The following CACNA2D1 variants were observed in gnomAD, a reference collection of about 807,000 sequenced individuals.
The protein encoded by CACNA2D1 is voltage-dependent calcium channel subunit alpha-2/delta-1.
A neutral mutation model predicts 171.5 loss-of-function variants in CACNA2D1; 53 were observed. The observed-to-expected ratio is 0.31, with a 90% confidence interval of 0.25 to 0.39. CACNA2D1 has a LOEUF of 0.39. Ranked by LOEUF, CACNA2D1 falls within the 10% of genes least tolerant of loss-of-function variation. The pLI, the probability that CACNA2D1 is intolerant of heterozygous loss-of-function variation, is 1.00. For missense variants in CACNA2D1, 903 were observed against 1,299.8 expected (o/e 0.69, Z 4.69); for synonymous variants, 442 against 443.1 (o/e 1.00, Z 0.03).
chr7:82,134,589 T>G (rs192801009), intron 5 of CACNA2D1, among the ~76,000 whole-genome samples: 1 of 152,180 alleles, frequency 6.6e-6, no homozygotes, highest in African/African-American at 2.4e-5. Context: ...TTACTATTTA[T>G]AAGGCTTTAA....
At chr7:82,433,016 T>G (rs12707491) in intron 1 of CACNA2D1, among the ~76,000 whole-genome samples, 45,201 of 151,834 alleles carry the variant, frequency 0.3, 8,060 homozygotes, top group South Asian at 0.55. Flanking sequence ...TGAAGCCCCA[T>G]CTCTACTAAA....
At chr7:82,188,986 A>G (rs1046102522) in intron 3 of CACNA2D1, among the ~76,000 whole-genome samples, 1 of 151,980 alleles carries the variant, frequency 6.6e-6, no homozygotes, top group African/African-American at 2.4e-5. Context: ...ATGGACATGA[A>G]GAAGAAAACA....
chr7:81,985,345 GCACATGCCAC>G (rs980360519), intron 21 of CACNA2D1, among the ~76,000 whole-genome samples: 22 of 151,948 alleles, frequency 1.4e-4, no homozygotes, highest in Admixed American at 1.2e-3. Flanking sequence ...GGGACCATAG[GCACATGCCAC>G]CACGCCCAGC....
intron 3 of CACNA2D1, among the ~76,000 whole-genome samples, chr7:82,289,345 A>G (rs1410655588): frequency 1.3e-5 from 2 of 152,098 alleles, no homozygotes; most frequent in Non-Finnish European, 2.9e-5. Flanking sequence ...ACAAACACAC[A>G]CCATTGTATC....
At chr7:82,329,817 T>C (rs1817085569) in intron 3 of CACNA2D1, among the ~76,000 whole-genome samples, 1 of 152,028 alleles carries the variant, frequency 6.6e-6, no homozygotes, top group South Asian at 2.1e-4. Context: ...AATAAAATAG[T>C]TCAAATTATG....
chr7:81,983,194 C>A, intron 23 of CACNA2D1, 120 bp downstream of exon 23: 2 of 838,776 alleles, frequency 2.4e-6, no homozygotes, highest in South Asian at 1.6e-5. Flanking sequence ...TTTGAGTGAT[C>A]ATGAAGGAAA....
rs528130181 is a variant in CACNA2D1 at position 82,261,245 on chromosome 7, G to T, written c.294+73890C>A. Among the ~76,000 whole-genome samples, 117 of 152,320 alleles carry T rather than the reference G, an allele frequency of 7.7e-4. 2 individuals are homozygous for T. In the South Asian group the frequency reaches 0.024, roughly 31 times the overall value. ...GCTGGGATTATAGGCATGGGCCGCCGCACCCGGCCTGGACCACTTTTTATA... is the reference window on the plus strand; with the variant it reads ...GCTGGGATTATAGGCATGGGCCGCCTCACCCGGCCTGGACCACTTTTTATA... On this transcript the variant is annotated intron_variant, in intron 3 of 38. Transcript: ENST00000356860.
Position 81,947,688 on chromosome 7 carries a change from T to A in CACNA2D1, c.*2704A>T, listed in dbSNP as rs1291985956. ...TTTATTGATCTGTTGTACTGTTCAG[T>A]CGTTGGAAATCAATATTAATAACAG... is the stretch of plus-strand genomic sequence containing the variant. On this transcript the variant is annotated 3_prime_UTR_variant, in exon 39 of 39. Coordinates refer to ENST00000356860, the MANE Select transcript of CACNA2D1 (RefSeq NM_000722.4). 1 of 151,910 alleles carries A rather than the reference T, an allele frequency of 6.6e-6. No individual in the cohort carries two copies. Among genetic ancestry groups the A allele is most frequent in the Non-Finnish European group, 1.5e-5 (1 of 67,858 alleles). 9.4% of individuals were successfully genotyped at this position (151,910 alleles called of 1,614,324 possible). A position where few individuals can be genotyped will look rare whatever the true frequency, so the allele number is the denominator to read the frequency against.
chr7:82,135,014 T>C (rs1369910888), intron 5 of CACNA2D1, among the ~76,000 whole-genome samples: 1 of 152,098 alleles, frequency 6.6e-6, no homozygotes, highest in Non-Finnish European at 1.5e-5. Context: ...AAAATAAAAA[T>C]TACTTTCTAA....
intron 1 of CACNA2D1, among the ~76,000 whole-genome samples, chr7:82,388,114 A>T (rs1824638790): frequency 6.6e-6 from 1 of 151,846 alleles, no homozygotes; most frequent in Non-Finnish European, 1.5e-5. Context: ...AACAAACTAC[A>T]TCTGACCTAA....
At chr7:82,085,535 AG>A (rs1810356648) in intron 6 of CACNA2D1, among the ~76,000 whole-genome samples, 7 of 142,532 alleles carry the variant, frequency 4.9e-5, no homozygotes, top group Admixed American at 7.2e-5. Flanking sequence ...AAAAAAAAAA[AG>A]AAAAAAAGTC....
At chr7:82,135,437 G>A (rs1399084657) in intron 5 of CACNA2D1, among the ~76,000 whole-genome samples, 1 of 151,868 alleles carries the variant, frequency 6.6e-6, no homozygotes, top group Admixed American at 6.6e-5. Context: ...ATCATGACAA[G>A]AGGAAAGATG....
chr7:82,276,801 T>C (rs1255379144), intron 3 of CACNA2D1, among the ~76,000 whole-genome samples: 1 of 151,430 alleles, frequency 6.6e-6, no homozygotes, highest in African/African-American at 2.4e-5. Context: ...CAGGCTTTAG[T>C]GCAGTGGTGC....
intron 1 of CACNA2D1, among the ~76,000 whole-genome samples, chr7:82,417,311 G>A (rs1033305259): frequency 4.1e-4 from 62 of 152,140 alleles, no homozygotes; most frequent in African/African-American, 1.5e-3. Flanking sequence ...AGATCTCCAG[G>A]AACAAGGGAA....
intron 6 of CACNA2D1, among the ~76,000 whole-genome samples, chr7:82,095,967 T>A (rs1245618081): frequency 6.6e-6 from 1 of 152,246 alleles, no homozygotes; most frequent in East Asian, 1.9e-4. Flanking sequence ...AATTTTTAGA[T>A]AAGTCCTTTA....
intron 21 of CACNA2D1, among the ~76,000 whole-genome samples, chr7:81,987,730 A>G (rs762015837): frequency 1.1e-4 from 16 of 152,134 alleles, no homozygotes; most frequent in Non-Finnish European, 2.1e-4. Context: ...AATCTGGCCC[A>G]AAGTTGGAGA....
chr7:82,365,270 T>C (rs1236211900), intron 1 of CACNA2D1, among the ~76,000 whole-genome samples: 1 of 152,216 alleles, frequency 6.6e-6, no homozygotes, highest in Non-Finnish European at 1.5e-5. Flanking sequence ...AACAATGCAC[T>C]ATCTAATGCA....
chr7:82,257,216 G>GCTTA (rs758589263), intron 3 of CACNA2D1, among the ~76,000 whole-genome samples: 2 of 152,166 alleles, frequency 1.3e-5, no homozygotes, highest in Non-Finnish European at 2.9e-5. Context: ...CAGTGTGGTA[G>GCTTA]CTTACATAAG....
chr7:82,218,095 C>A (rs140112813), intron 3 of CACNA2D1, among the ~76,000 whole-genome samples: 1 of 151,668 alleles, frequency 6.6e-6, no homozygotes, highest in Non-Finnish European at 1.5e-5. Flanking sequence ...CCACCACGCC[C>A]GGCTAATCTT....
Sources: gnomAD v4.1 joint callset for allele counts (sites outside exome capture counted in the v4.1 genomes callset) on GRCh38, gnomAD v4.1.1 for gene constraint, MANE v1.5 for transcripts, NCBI Gene and HGNC (gene_info 2026-07-23, HGNC 2026-07-21) for gene names.